Variants in PLCL2 observed in about 807,000 individuals in gnomAD.
The protein encoded by PLCL2 is phospholipase C like 2.
A neutral mutation model predicts 79.6 loss-of-function variants in PLCL2; 4 were observed. That is an observed-to-expected ratio of 0.05 (90% CI 0.02 to 0.11). The LOEUF (loss-of-function observed/expected upper bound fraction) is 0.11, where lower values mean the gene tolerates loss of function less well. PLCL2 is among the 10% of genes least tolerant of loss of function. The pLI, the probability that PLCL2 is intolerant of heterozygous loss-of-function variation, is 1.00. For synonymous variants in PLCL2, 484 were observed against 457.7 expected (o/e 1.06, Z -0.73); for missense variants, 895 against 1,291.0 (o/e 0.69, Z 4.70).
intron 4 of PLCL2, among the ~76,000 whole-genome samples, chr3:17,063,437 C>G (rs1333537957): frequency 1.3e-5 from 2 of 149,934 alleles, no homozygotes; most frequent in Non-Finnish European, 3.0e-5. Flanking sequence ...CCCCATCTTC[C>G]TAATCGGATT....
At chr3:17,039,812 AG>A (rs1206326798) in intron 3 of PLCL2, among the ~76,000 whole-genome samples, 1 of 152,160 alleles carries the variant, frequency 6.6e-6, no homozygotes, top group East Asian at 1.9e-4. Flanking sequence ...TCCACCCTGA[AG>A]TATTAGTCAT....
Position 17,057,328 on chromosome 3 carries a change from T to C in PLCL2, c.3095-10628T>C, listed in dbSNP as rs537698107. On this transcript the variant is annotated intron_variant, in intron 4 of 5. Transcript: ENST00000615277. ...CCTTGTCTCAAGTTCTATCTGTCAG[T>C]GTCTTAAAGACTTCGGGAAACTGTT... Among the ~76,000 whole-genome samples, 33 of 152,304 alleles carry C rather than the reference T, an allele frequency of 2.2e-4. 1 individual carries two copies. The East Asian group carries it at 6.2e-3, about 28-fold the overall frequency.
chr3:16,995,915 G>A lies in PLCL2; in HGVS notation c.328-13759G>A, dbSNP rs141530046. 7.2e-5 allele frequency among the ~76,000 whole-genome samples: 11 copies of A among 152,294 alleles called. No homozygotes were observed. The East Asian group carries it at 2.1e-3, about 29-fold the overall frequency. ...ATGGTACTGACTTTAAGCACAAAAG[G>A]ATTTAAGAGAAGAGAGGTTAGCCAC... On this transcript the variant is annotated intron_variant, in intron 1 of 5. Coordinates refer to ENST00000615277, the MANE Select transcript of PLCL2 (RefSeq NM_001144382.2).
intron 1 of PLCL2, among the ~76,000 whole-genome samples, chr3:16,925,983 G>C (rs952192723): frequency 2.0e-5 from 3 of 152,132 alleles, no homozygotes; most frequent in African/African-American, 7.2e-5. Context: ...TTTGCTTTTA[G>C]GTGACAAGTT....
At chr3:16,954,789 AT>A (rs1189910510) in intron 1 of PLCL2, among the ~76,000 whole-genome samples, 3 of 152,238 alleles carry the variant, frequency 2.0e-5, no homozygotes, top group African/African-American at 7.2e-5. Context: ...GATGGTGAGC[AT>A]TTTTTGGTGT....
chr3:16,896,973 C>G (rs1188444702), intron 1 of PLCL2, among the ~76,000 whole-genome samples: 1 of 152,156 alleles, frequency 6.6e-6, no homozygotes, highest in African/African-American at 2.4e-5. Context: ...TTAACAACAG[C>G]TGTGAAACCT....
In PLCL2 at chr3:17,081,448, T is replaced by C. The variant is rs140642927; in HGVS notation, c.3205-8285T>C. Reference sequence around the variant, plus strand: ...AAGTAAGACAACTGTTTTTCTCTAATAGATAGTTGGACAAAAGGACTTTGA... The same window carrying C: ...AAGTAAGACAACTGTTTTTCTCTAACAGATAGTTGGACAAAAGGACTTTGA... On this transcript the variant is annotated intron_variant, in intron 5 of 5. Transcript: ENST00000615277. 809 of 305,070 alleles carry C rather than the reference T, an allele frequency of 2.7e-3. 12 individuals are homozygous for C. The highest frequency in any genetic ancestry group is 0.017 in the African/African-American group (764 of 45,608). 18.9% of individuals were successfully genotyped at this position (305,070 alleles called of 1,614,324 possible). A position where few individuals can be genotyped will look rare whatever the true frequency, so the allele number is the denominator to read the frequency against.
chr3:17,020,469 T>A (rs1288468696), intron 3 of PLCL2, among the ~76,000 whole-genome samples: 3 of 152,174 alleles, frequency 2.0e-5, no homozygotes, highest in Non-Finnish European at 4.4e-5. Flanking sequence ...CAGCCCCACC[T>A]GTTCAGAGAT....
At chr3:17,007,370 A>G (rs2064272640) in intron 1 of PLCL2, among the ~76,000 whole-genome samples, 1 of 152,234 alleles carries the variant, frequency 6.6e-6, no homozygotes, top group Non-Finnish European at 1.5e-5. Flanking sequence ...GGCTGATTAC[A>G]AAACTAATTT....
At chr3:17,001,791 A>G (rs1438775990) in intron 1 of PLCL2, among the ~76,000 whole-genome samples, 1 of 151,672 alleles carries the variant, frequency 6.6e-6, no homozygotes, top group Admixed American at 6.6e-5. Flanking sequence ...TAGTATGATG[A>G]TGCCTCCAGC....
intron 1 of PLCL2, among the ~76,000 whole-genome samples, chr3:16,939,277 A>G (rs1195111141): frequency 6.6e-6 from 1 of 152,248 alleles, no homozygotes; most frequent in Non-Finnish European, 1.5e-5. Context: ...CTATTGATAT[A>G]GAAACAAATA....
intron 1 of PLCL2, among the ~76,000 whole-genome samples, chr3:16,997,347 A>C (rs899042160): frequency 1.3e-5 from 2 of 152,186 alleles, no homozygotes; most frequent in Non-Finnish European, 2.9e-5. Context: ...TAGACACTAT[A>C]AATACCGTAA....
At chr3:16,988,834 A>G (rs894421131) in intron 1 of PLCL2, among the ~76,000 whole-genome samples, 10 of 152,180 alleles carry the variant, frequency 6.6e-5, no homozygotes, top group African/African-American at 2.4e-4. Context: ...CATCATTTTC[A>G]TAAATTAACC....
Position 17,010,828 on chromosome 3 carries a change from A to G in PLCL2, c.1482A>G (p.Ile494Met), listed in dbSNP as rs772624991. Residue 494 changes from isoleucine (I) to methionine (M), a missense_variant, in exon 2 of 6, where the codon ATA becomes ATG. Around this residue, in one of 6 missense-constraint regions of PLCL2, gnomAD observed 242 missense variants for 399.5 expected, o/e 0.61. Coordinates refer to ENST00000615277, the MANE Select transcript of PLCL2 (RefSeq NM_001144382.2). The surrounding 1 kb of genome is among the most constrained non-coding windows in gnomAD (Gnocchi z 5.8). ...IYTGHTMTSQ[I>M]VFRSVIDIIN... ...CAGGCCACACCATGACCTCTCAGAT[A>G]GTTTTCCGCAGTGTCATTGATATTA... The G allele has an allele frequency of 2.5e-6, 4 of 1,614,160 alleles. No homozygotes were observed. The South Asian group carries it at 4.4e-5, about 18-fold the overall frequency.
At position 17,075,544 on chromosome 3, in the gene PLCL2, G is replaced by T. The variant is rs1261012619; in HGVS notation, c.3204+7479G>T. Among the ~76,000 whole-genome samples the T allele has an allele frequency of 5.3e-5, 5 of 94,404 alleles. 1 individual carries two copies. Among genetic ancestry groups the T allele is most frequent in the South Asian group, 7.0e-4 (2 of 2,842 alleles). 61.9% of individuals were successfully genotyped at this position (94,404 alleles called of 152,430 possible). On this transcript the variant is annotated intron_variant, in intron 5 of 5. Transcript: ENST00000615277. ...CAAGGTTGCCACAAACCTTCAATGTGTAAAAAAAAAAAAAAAAAAATGCAG... is the reference window on the plus strand; with the variant it reads ...CAAGGTTGCCACAAACCTTCAATGTTTAAAAAAAAAAAAAAAAAAATGCAG...
intron 1 of PLCL2, among the ~76,000 whole-genome samples, chr3:16,947,443 T>C (rs567913075): frequency 6.6e-6 from 1 of 152,288 alleles, no homozygotes; most frequent in East Asian, 1.9e-4. Flanking sequence ...GGAGGAATAA[T>C]GATTCCTACT....
intron 1 of PLCL2, among the ~76,000 whole-genome samples, chr3:16,889,310 A>G (rs1696294336): frequency 6.6e-6 from 1 of 152,152 alleles, no homozygotes; most frequent in Non-Finnish European, 1.5e-5. Context: ...TCCCCACATT[A>G]CAGTGGCAGT....
chr3:16,998,662 C>T (rs1289221398), intron 1 of PLCL2, among the ~76,000 whole-genome samples: 1 of 152,190 alleles, frequency 6.6e-6, no homozygotes, highest in African/African-American at 2.4e-5. Flanking sequence ...GCACTGGACA[C>T]AGATGTAGAC....
chr3:16,916,790 A>G (rs544845233), intron 1 of PLCL2, among the ~76,000 whole-genome samples: 1 of 152,254 alleles, frequency 6.6e-6, no homozygotes, highest in East Asian at 1.9e-4. Context: ...AAAGATAAAG[A>G]TAGTTAAAAT....
Sources: gnomAD v4.1 joint callset for allele counts (sites outside exome capture counted in the v4.1 genomes callset) on GRCh38, gnomAD v4.1.1 for gene constraint, gnomAD v4.1.1 regional missense constraint, Gnocchi (gnomAD v3.1) non-coding constraint, MANE v1.5 for transcripts, NCBI Gene and HGNC (gene_info 2026-07-23, HGNC 2026-07-21) for gene names.